The following CLEC4F variants were observed in gnomAD, a reference collection of about 807,000 sequenced individuals.
CLEC4F encodes C-type (calcium dependent, carbohydrate-recognition domain) lectin, superfamily member 13.
A neutral mutation model predicts 53.4 loss-of-function variants in CLEC4F; 45 were observed. The ratio of observed to expected loss-of-function variants is 0.84; its 90% CI spans 0.66 to 1.08. The LOEUF (loss-of-function observed/expected upper bound fraction) is 1.08. Among genes scored for constraint, CLEC4F ranks in the 50% least tolerant of loss-of-function variants. The pLI, the probability that CLEC4F is intolerant of heterozygous loss-of-function variation, is 0.00. For missense variants in CLEC4F, 753 were observed against 698.2 expected, an observed-to-expected ratio of 1.08 and a Z score of -0.88; for synonymous variants, 245 against 257.5, an observed-to-expected ratio of 0.95 and a Z score of 0.46.
Position 70,816,958 on chromosome 2 carries a change from A to G in CLEC4F, c.423T>C (p.His141=). ...GGATGTCAGCATTGGTGTTTCCCAG[A>G]TGATCACCGAGCACCTGGAGCTGCG... ...VNSQLQVLGD[H]LGNTNADIQM... is the part of the protein sequence containing the mutation. The change falls in exon 4 of 7, where the codon CAT becomes CAC. Residue 141 remains histidine, a synonymous_variant. Coordinates refer to ENST00000272367, the MANE Select transcript of CLEC4F (RefSeq NM_173535.3). 2 of 1,614,168 alleles carry G rather than the reference A, an allele frequency of 1.2e-6. No homozygotes were observed. The highest frequency in any genetic ancestry group is 1.7e-6 in the Non-Finnish European group (2 of 1,180,028).
chr2:70,809,342 T>C lies in CLEC4F; in HGVS notation c.1699A>G (p.Ile567Val). The change falls in exon 7 of 7, where the codon ATT becomes GTT. Residue 567 changes from isoleucine to valine, a missense_variant. Physicochemically the swap from Ile to Val is conservative, Grantham distance 29. Coordinates refer to ENST00000272367, the MANE Select transcript of CLEC4F (RefSeq NM_173535.3). ...CAAGCTCCCATCCCAGAATTCACAA[T>C]AATATACTTTCTGAGTGGGCAGGAT... ...KGSCPLRKYI[I>V]VNSGMGACSF... The C allele has an allele frequency of 1.2e-6, 2 of 1,613,372 alleles. No individual in the cohort carries two copies. Among genetic ancestry groups the C allele is most frequent in the Non-Finnish European group, 8.5e-7 (1 of 1,179,760 alleles).
intron 4 of CLEC4F, among the ~76,000 whole-genome samples, chr2:70,812,815 C>A (rs1210199501): frequency 2.0e-5 from 3 of 152,192 alleles, no homozygotes; most frequent in Non-Finnish European, 4.4e-5. Context: ...CTTGGGCACT[C>A]CTGGGAGGCT....
In CLEC4F at chr2:70,816,943, A is replaced by G. The variant is rs1182830724; in HGVS notation, c.438T>C (p.Asn146=). 1.4e-5 allele frequency: 22 copies of G among 1,614,058 alleles called. No homozygotes were observed. Among genetic ancestry groups the G allele is most frequent in the Non-Finnish European group, 1.8e-5 (21 of 1,180,046 alleles). ...QVLGDHLGNT[N]ADIQMVKGVL... ...CTCCTTTTACCATCTGGATGTCAGC[A>G]TTGGTGTTTCCCAGATGATCACCGA... is the stretch of plus-strand genomic sequence containing the variant. The change falls in exon 4 of 7, where the codon AAT becomes AAC. Residue 146 remains asparagine, a synonymous_variant. Coordinates refer to ENST00000272367, the MANE Select transcript of CLEC4F (RefSeq NM_173535.3).
At chr2:70,811,602 A>G in intron 5 of CLEC4F, 1 of 300,730 alleles carries the variant, frequency 3.3e-6, no homozygotes, top group Non-Finnish European at 6.5e-6. Flanking sequence ...GTCAAATTGG[A>G]CCACAAACAT....
At position 70,813,516 on chromosome 2, in the gene CLEC4F, TTTC is replaced by T. The variant is rs1676682138; in HGVS notation, c.1388-921_1388-919del. On this transcript the variant is annotated intron_variant, in intron 4 of 6. Coordinates refer to ENST00000272367, the MANE Select transcript of CLEC4F (RefSeq NM_173535.3). The stretch of plus-strand genomic sequence containing the variant: ...TCTTTTTCTTTCTTTCTTTCTTTTC[TTTC>T]TTTCTTTCTTTCTTTCTTTTTTTCT... Among the ~76,000 whole-genome samples the T allele has an allele frequency of 5.0e-3, 41 of 8,124 alleles. No individual in the cohort carries two copies. The South Asian group carries it at 0.14, about 27-fold the overall frequency. The allele number at this position is 8,124 out of a possible 152,430, so 5.3% of individuals were successfully genotyped here.
chr2:70,815,738 C>G (rs1553395596), intron 4 of CLEC4F, among the ~76,000 whole-genome samples: 2 of 152,200 alleles, frequency 1.3e-5, no homozygotes, highest in African/African-American at 4.8e-5. Context: ...CCCATGCCGT[C>G]CTTATCACAC....
Position 70,820,469 on chromosome 2 carries a change from G to A in CLEC4F, c.55C>T (p.Pro19Ser). 3.2e-6 allele frequency: 5 copies of A among 1,585,526 alleles called. No homozygotes were observed. The highest frequency in any genetic ancestry group is 3.4e-6 in the Non-Finnish European group (4 of 1,163,702). The change falls in exon 1 of 7, where the codon CCC becomes TCC. Residue 19 changes from proline (P) to serine (S), a missense_variant. By Grantham distance (74) the Pro-to-Ser change is moderately conservative. Transcript: ENST00000272367. Reference sequence around the variant, plus strand: ...GGGGCCCCAGTTTTCTCACCTTGGGGGTGCAGGGAGACACACTGGTTATCT... The same window carrying A: ...GGGGCCCCAGTTTTCTCACCTTGGGAGTGCAGGGAGACACACTGGTTATCT... Reference protein sequence around the residue: ...CTDNQCVSLHPQEVDSVAMAP... With the variant: ...CTDNQCVSLHSQEVDSVAMAP...
At position 70,820,140 on chromosome 2, in the gene CLEC4F, T is replaced by C. The variant is rs1366836849; in HGVS notation, c.62-249A>G. On this transcript the variant is annotated intron_variant, in intron 1 of 6. Transcript: ENST00000272367. ...GGAGCTCTGAGACCGAGACCACCGATCTCCAAATCTCAAGGAGGCTTTGGT... is the reference window on the plus strand; with the variant it reads ...GGAGCTCTGAGACCGAGACCACCGACCTCCAAATCTCAAGGAGGCTTTGGT... Among the ~76,000 whole-genome samples the C allele has an allele frequency of 8.6e-5, 13 of 151,980 alleles. 1 individual carries two copies. The highest frequency in any genetic ancestry group is 1.8e-4 in the Non-Finnish European group (12 of 67,990).
In CLEC4F at chr2:70,820,474, A is replaced by G; in HGVS notation, c.50T>C (p.Leu17Pro). 1 of 1,587,376 alleles carries G rather than the reference A, an allele frequency of 6.3e-7. No individual in the cohort carries two copies. Among genetic ancestry groups the G allele is most frequent in the African/African-American group, 1.3e-5 (1 of 74,616 alleles). ...CCCAGTTTTCTCACCTTGGGGGTGC[A>G]GGGAGACACACTGGTTATCTGTGCA... The part of the protein sequence containing the change: ...RFCTDNQCVS[L>P]HPQEVDSVAM... The change falls in exon 1 of 7, where the codon CTG becomes CCG. Residue 17 changes from leucine to proline, a missense_variant. Physicochemically the swap from Leu to Pro is moderately conservative, Grantham distance 98. Transcript: ENST00000272367.
intron 5 of CLEC4F, among the ~76,000 whole-genome samples, chr2:70,811,696 C>A (rs1676575796): frequency 1.3e-5 from 2 of 152,120 alleles, no homozygotes; most frequent in Non-Finnish European, 2.9e-5. Flanking sequence ...GTTTGGTGGT[C>A]CTCGGACCCA....
upstream of CLEC4F, among the ~76,000 whole-genome samples, chr2:70,824,173 A>G (rs550646555): frequency 4.6e-5 from 7 of 152,284 alleles, no homozygotes; most frequent in African/African-American, 1.7e-4. Context: ...TAGTAGGGAC[A>G]GCTTCTTGAC....
intron 1 of CLEC4F, among the ~76,000 whole-genome samples, 185 bp downstream of exon 1, chr2:70,820,278 C>G (rs35637981): frequency 0.2 from 29,968 of 152,186 alleles, 3,459 homozygotes; most frequent in Non-Finnish European, 0.26. Context: ...TGTGCAGAGC[C>G]GGGATTCCAA....
upstream of CLEC4F, among the ~76,000 whole-genome samples, chr2:70,824,814 G>A (rs1326169189): frequency 1.3e-5 from 2 of 152,108 alleles, no homozygotes; most frequent in East Asian, 1.9e-4. Context: ...ATAAATGAAT[G>A]TCTGAGTAAG....
chr2:70,816,959 T>G lies in CLEC4F; in HGVS notation c.422A>C (p.His141Pro), dbSNP rs1676954834. The change falls in exon 4 of 7, where the codon CAT (histidine) becomes CCT (proline). Residue 141 changes from histidine (H) to proline (P), a missense_variant. Physicochemically the swap from His to Pro is moderately conservative, Grantham distance 77. Transcript: ENST00000272367. ...VNSQLQVLGD[H>P]LGNTNADIQM... Reference sequence around the variant, plus strand: ...GATGTCAGCATTGGTGTTTCCCAGATGATCACCGAGCACCTGGAGCTGCGA... The same window carrying G: ...GATGTCAGCATTGGTGTTTCCCAGAGGATCACCGAGCACCTGGAGCTGCGA... 6.2e-7 allele frequency: 1 copy of G among 1,614,214 alleles called. No individual in the cohort carries two copies. The highest frequency in any genetic ancestry group is 8.5e-7 in the Non-Finnish European group (1 of 1,180,038).
At chr2:70,822,967 G>A (rs188588977), upstream of CLEC4F, among the ~76,000 whole-genome samples, 18 of 152,342 alleles carry the variant, frequency 1.2e-4, no homozygotes, top group Non-Finnish European at 2.1e-4. Flanking sequence ...CTCCTCTGAG[G>A]CCGGGCCAGG....
At position 70,809,124 on chromosome 2, in the gene CLEC4F, C is replaced by T; in HGVS notation, c.*147G>A. On this transcript the variant is annotated 3_prime_UTR_variant, in exon 7 of 7. Coordinates refer to ENST00000272367, the MANE Select transcript of CLEC4F (RefSeq NM_173535.3). ...ATACTGTTAGATGAAGGCAGCATCC[C>T]TTCCTGGTGCTGTGGCTCCTAGGGA... is the stretch of plus-strand genomic sequence containing the variant. The T allele has an allele frequency of 6.4e-7, 1 of 1,551,330 alleles. No individual in the cohort carries two copies. The highest frequency in any genetic ancestry group is 2.4e-5 in the East Asian group (1 of 40,952).
chr2:70,809,910 C>T, intron 5 of CLEC4F, 53 bp from the exon 6 acceptor site: 1 of 1,190,496 alleles, frequency 8.4e-7, no homozygotes, highest in East Asian at 2.3e-5. Context: ...AGCCAGTTTT[C>T]CAGGCCACCT....
chr2:70,824,881 C>A (rs1574389676), upstream of CLEC4F, among the ~76,000 whole-genome samples: 1 of 152,044 alleles, frequency 6.6e-6, no homozygotes, highest in Non-Finnish European at 1.5e-5. Context: ...ATGTAAATAT[C>A]CCATTCTGAG....
At chr2:70,818,507 C>T (rs745773996) in intron 3 of CLEC4F, among the ~76,000 whole-genome samples, 13 of 151,920 alleles carry the variant, frequency 8.6e-5, no homozygotes, top group Admixed American at 5.3e-4. Flanking sequence ...GTCAGGGGAT[C>T]GAGACCATCC....
Sources: gnomAD v4.1 joint callset for allele counts (sites outside exome capture counted in the v4.1 genomes callset) on GRCh38, gnomAD v4.1.1 for gene constraint, MANE v1.5 for transcripts, NCBI Gene and HGNC (gene_info 2026-07-23, HGNC 2026-07-21) for gene names.